TTN: variants seen among roughly 807,000 people sequenced by gnomAD.
TTN encodes the protein connectin.
A neutral mutation model predicts 3,223.0 loss-of-function variants in TTN; 1,525 were observed. That is an observed-to-expected ratio of 0.47 (90% CI 0.45 to 0.49). The LOEUF (loss-of-function observed/expected upper bound fraction) is 0.49, where lower values mean the gene tolerates loss of function less well. Among genes scored for constraint, TTN ranks in the 20% least tolerant of loss-of-function variants. TTN has a pLI of 0.00. For synonymous variants in TTN, 14,094 were observed against 15,161.0 expected, an observed-to-expected ratio of 0.93 and a Z score of 5.17; for missense variants, 40,786 against 43,424.0, an observed-to-expected ratio of 0.94 and a Z score of 5.40.
chr2:178,694,840 T>G lies in TTN; in HGVS notation c.31337A>C (p.Gln10446Pro). 3.9e-6 allele frequency: 6 copies of G among 1,558,214 alleles called. No homozygotes were observed. The highest frequency in any genetic ancestry group is 5.2e-6 in the Non-Finnish European group (6 of 1,149,268). ...GTTTTAAATAATACCTTTGGTGACT[T>G]GAACTTTTTCTTCCTCCATTCTTCG... The part of the protein sequence containing the change: ...TSRRMEEEKV[Q>P]VTKVPEVSKK... The change falls in exon 116 of 363, where the codon CAA (glutamine) becomes CCA (proline). Residue 10446 changes from glutamine (Q) to proline (P), a missense_variant. By Grantham distance (76) the Gln-to-Pro change is moderately conservative. Coordinates refer to ENST00000589042, the MANE Select transcript of TTN (RefSeq NM_001267550.2).
Position 178,733,433 on chromosome 2 carries a change from G to A in TTN, c.15860C>T (p.Thr5287Met), listed in dbSNP as rs148551876. 1.6e-4 allele frequency: 262 copies of A among 1,613,766 alleles called. No individual in the cohort carries two copies. In the African/African-American group the frequency reaches 2.6e-3, roughly 16 times the overall value. Residue 5287 changes from threonine to methionine, a missense_variant, in exon 54 of 363, where the codon ACG (threonine) becomes ATG (methionine). By Grantham distance (81) the Thr-to-Met change is moderately conservative. Coordinates refer to ENST00000589042, the MANE Select transcript of TTN (RefSeq NM_001267550.2). ...GTACCATTTGGGCTTCAGTTCTGGCGTGCCTGCCACTGTGTACTCCAGTGT... is the reference window on the plus strand; with the variant it reads ...GTACCATTTGGGCTTCAGTTCTGGCATGCCTGCCACTGTGTACTCCAGTGT... ...PATLEYTVAG[T>M]PELKPKWYKD...
rs1176453673 is a variant in TTN, at chr2:178,588,820, G to A, written c.62905C>T (p.Pro20969Ser). ...TTGCTTACTTTAGTGACTTCTGGGG[G>A]ATCAGGGCGACCAGGTTTATCATAC... ...TKYDKPGRPD[P>S]PEVTKVSKEE... Residue 20969 changes from proline (P) to serine (S), a missense_variant, in exon 304 of 363, where the codon CCC becomes TCC. Physicochemically the swap from Pro to Ser is moderately conservative, Grantham distance 74. Transcript: ENST00000589042. The A allele has an allele frequency of 1.2e-6, 2 of 1,613,360 alleles. No individual in the cohort carries two copies. The highest frequency in any genetic ancestry group is 1.7e-5 in the Admixed American group (1 of 59,962).
chr2:178,582,449 A>G lies in TTN; in HGVS notation c.66007T>C (p.Trp22003Arg), dbSNP rs1299666551. The change falls in exon 314 of 363, where the codon TGG (tryptophan) becomes CGG (arginine). Residue 22003 changes from tryptophan to arginine, a missense_variant. Physicochemically the swap from Trp to Arg is moderately radical, Grantham distance 101. Transcript: ENST00000589042. Reference sequence around the variant, plus strand: ...GGCACAGTTGCAGAGACTTGAGCCCAGTTGGGCCTGCTTGTTTCACGTTTG... The same window carrying G: ...GGCACAGTTGCAGAGACTTGAGCCCGGTTGGGCCTGCTTGTTTCACGTTTG... ...VDKRETSRPN[W>R]AQVSATVPIT... The G allele has an allele frequency of 2.5e-6, 4 of 1,612,840 alleles. No individual in the cohort carries two copies. Among genetic ancestry groups the G allele is most frequent in the Non-Finnish European group, 3.4e-6 (4 of 1,179,386 alleles).
chr2:178,621,943 T>C lies in TTN; in HGVS notation c.44979A>G (p.Gly14993=). 6.2e-7 allele frequency: 1 copy of C among 1,611,870 alleles called. No individual in the cohort carries two copies. The highest frequency in any genetic ancestry group is 8.5e-7 in the Non-Finnish European group (1 of 1,178,852). ...TGTTGATGACAAGAATGCGCACTGC[T>C]CCCTTGGATATGATGTCATATTTTT... The part of the protein sequence containing the change: ...KGKKYDIISK[G]AVRILVINKC... Residue 14993 remains glycine, a synonymous_variant, in exon 244 of 363, where the codon GGA becomes GGG. Transcript: ENST00000589042.
rs954696433 is a variant in TTN at position 178,684,210 on chromosome 2, T to TAAC, written c.32722+117_32722+119dup. The TAAC allele has an allele frequency of 2.3e-5, 31 of 1,355,478 alleles. No individual in the cohort carries two copies. In the African/African-American group the frequency reaches 2.4e-4, roughly 10 times the overall value. The allele number at this position is 1,355,478 out of a possible 1,614,324, so 84.0% of individuals were successfully genotyped here. A position where few individuals can be genotyped will look rare whatever the true frequency, so the allele number is the denominator to read the frequency against. On this transcript the variant is annotated intron_variant, in intron 132 of 362. Transcript: ENST00000589042. ...TATTTCAAACATAAAACAACAACTG[T>TAAC]AACAACAACAACAACATCAACAACA...
At position 178,556,431 on chromosome 2, in the gene TTN, A is replaced by AAAAC. The variant is rs372018605; in HGVS notation, c.88306+413_88306+416dup. The AAAAC allele has an allele frequency of 4.0e-3, 863 of 215,354 alleles. 8 individuals are homozygous for AAAAC. Among genetic ancestry groups the AAAAC allele is most frequent in the South Asian group, 0.013 (167 of 13,360 alleles). 13.3% of individuals were successfully genotyped at this position (215,354 alleles called of 1,614,324 possible). ...GGGCGACAGAGTGAGACTCTGTCTCAAAACAAACAAACAAACAAACAAACA... is the reference window on the plus strand; with the variant it reads ...GGGCGACAGAGTGAGACTCTGTCTCAAAACAAACAAACAAACAAACAAACAAACA... On this transcript the variant is annotated intron_variant, in intron 330 of 362. Coordinates refer to ENST00000589042, the MANE Select transcript of TTN (RefSeq NM_001267550.2).
Position 178,532,303 on chromosome 2 carries a change from T to C in TTN, c.104312A>G (p.Glu34771Gly). ...GGTCGTAACTGGGCGAAGCAACTCT[T>C]CATCCTCCCTCTCAGCCATGATTCT... ...RQRIMAERED[E>G]ELLRPVTTTQ... The change falls in exon 358 of 363, where the codon GAA becomes GGA. Residue 34771 changes from glutamate to glycine, a missense_variant. By Grantham distance (98) the Glu-to-Gly change is moderately conservative. Coordinates refer to ENST00000589042, the MANE Select transcript of TTN (RefSeq NM_001267550.2). 6.2e-7 allele frequency: 1 copy of C among 1,614,012 alleles called. No individual in the cohort carries two copies. The highest frequency in any genetic ancestry group is 1.1e-5 in the South Asian group (1 of 91,084).
intron 210 of TTN, 97 bp from the exon 211 acceptor site, chr2:178,649,991 G>A: frequency 1.4e-6 from 2 of 1,433,322 alleles, no homozygotes; most frequent in Non-Finnish European, 1.9e-6. Flanking sequence ...CTTGGTATAT[G>A]TGGGACCAAA....
chr2:178,799,069 AC>A (rs2093914215), intron 6 of TTN: 1 of 190,844 alleles, frequency 5.2e-6, no homozygotes, highest in East Asian at 1.2e-4. Flanking sequence ...GTCACCTGCT[AC>A]ATTTTTGAGT....
chr2:178,710,971 T>G, intron 97 of TTN, 49 bp from the exon 98 acceptor site: 1 of 1,565,300 alleles, frequency 6.4e-7, no homozygotes, highest in South Asian at 1.2e-5. Flanking sequence ...ATCTGGACCA[T>G]GTCAGTTTAC....
At position 178,578,723 on chromosome 2, in the gene TTN, A is replaced by G. The variant is rs746789787; in HGVS notation, c.68225-8T>C. The G allele has an allele frequency of 3.7e-6, 6 of 1,607,124 alleles. No individual in the cohort carries two copies. The East Asian group carries it at 1.3e-4, about 36-fold the overall frequency. On this transcript the variant is annotated splice_region_variant and splice_polypyrimidine_tract_variant and intron_variant, in intron 320 of 362. Transcript: ENST00000589042. Reference sequence around the variant, plus strand: ...GGGGAGCATCAGGCACATCTAGAAAAAAGTAGATAATGCAAGATTTATAAT... The same window carrying G: ...GGGGAGCATCAGGCACATCTAGAAAGAAGTAGATAATGCAAGATTTATAAT...
At chr2:178,772,121 CT>C (rs1169499767) in intron 33 of TTN, among the ~76,000 whole-genome samples, 2 of 152,128 alleles carry the variant, frequency 1.3e-5, no homozygotes, top group African/African-American at 4.8e-5. Flanking sequence ...ATGGTAGGTA[CT>C]TTAAAAACAC....
Position 178,565,205 on chromosome 2 carries a change from G to A in TTN, c.80927C>T (p.Pro26976Leu), listed in dbSNP as rs759657244. 4 of 1,613,434 alleles carry A rather than the reference G, an allele frequency of 2.5e-6. No individual in the cohort carries two copies. The Admixed American group carries it at 6.7e-5, about 27-fold the overall frequency. ...TTCATCAAACCGAACTGGGCCAACT[G>A]GAGGTCCAGGCTTTTCTAAAACGAT... ...SVIVLEKPGP[P>L]VGPVRFDEVS... is the part of the protein sequence containing the mutation. Residue 26976 changes from proline to leucine, a missense_variant, in exon 326 of 363, where the codon CCA becomes CTA. Physicochemically the swap from Pro to Leu is moderately conservative, Grantham distance 98. Coordinates refer to ENST00000589042, the MANE Select transcript of TTN (RefSeq NM_001267550.2).
intron 102 of TTN, among the ~76,000 whole-genome samples, chr2:178,705,704 T>C (rs989997888): frequency 6.6e-6 from 1 of 152,156 alleles, no homozygotes; most frequent in African/African-American, 2.4e-5. Flanking sequence ...AAAACTTTAA[T>C]AATAGAATAG....
Position 178,537,840 on chromosome 2 carries a change from G to A in TTN, c.99367C>T (p.Gln33123Ter). ...TCAGGAAGAGGCCTTCCAACAATCT[G>A]GCATGAGAGTTGAGCAGCTTCACCC... The part of the protein sequence containing the change: ...KLGEAAQLSC[Q>*]IVGRPLPDIK... The change falls in exon 355 of 363, where the codon CAG becomes TAG. Residue 33123 changes from glutamine (Q) to a stop codon, truncating the protein, a stop_gained. Transcript: ENST00000589042. LOFTEE classifies it high-confidence loss of function. 1 of 1,613,600 alleles carries A rather than the reference G, an allele frequency of 6.2e-7. No homozygotes were observed. The highest frequency in any genetic ancestry group is 8.5e-7 in the Non-Finnish European group (1 of 1,179,692).
At chr2:178,759,685 A>G (rs1313405377) in intron 43 of TTN, among the ~76,000 whole-genome samples, 1 of 152,238 alleles carries the variant, frequency 6.6e-6, no homozygotes, top group East Asian at 1.9e-4. Flanking sequence ...GGCTGTAGAA[A>G]AAAAATCTCT....
rs374501251 is a variant in TTN at position 178,564,739 on chromosome 2, T to C, written c.81393A>G (p.Lys27131=). The C allele has an allele frequency of 3.7e-6, 6 of 1,613,038 alleles. No homozygotes were observed. The highest frequency in any genetic ancestry group is 5.1e-6 in the Non-Finnish European group (6 of 1,179,456). ...KLNKTPIQDT[K]FKTTGLDEGL... is the part of the protein sequence containing the mutation. ...CCTCATCAAGCCCAGTTGTTTTGAA[T>C]TTGGTGTCCTGAATGGGGGTCTTAT... is the stretch of plus-strand genomic sequence containing the variant. Residue 27131 remains lysine (K), a synonymous_variant, in exon 326 of 363, where the codon AAA becomes AAG. Transcript: ENST00000589042.
rs373484878 is a variant in TTN at position 178,544,276 on chromosome 2, C to T, written c.95953G>A (p.Val31985Ile). ...LKMGQKYSFR[V>I]AAVNVKGMSE... ...ATACCCTTCACGTTCACGGCAGCAA[C>T]TCTGAAGGAATATTTCTGGCCCATT... is the stretch of plus-strand genomic sequence containing the variant. The change falls in exon 345 of 363, where the codon GTT becomes ATT. Residue 31985 changes from valine (V) to isoleucine (I), a missense_variant. Transcript: ENST00000589042. 4 of 1,613,668 alleles carry T rather than the reference C, an allele frequency of 2.5e-6. No individual in the cohort carries two copies. The African/African-American group carries it at 5.3e-5, about 22-fold the overall frequency.
intron 16 of TTN, 141 bp downstream of exon 16, chr2:178,783,929 T>C: frequency 1.4e-5 from 19 of 1,369,080 alleles, no homozygotes; most frequent in Non-Finnish European, 1.9e-5. Flanking sequence ...TGACCCATAC[T>C]ATGCTCCATA....
Sources: allele counts gnomAD v4.1 joint callset (sites outside exome capture counted in the v4.1 genomes callset), GRCh38; gene constraint gnomAD v4.1.1; transcripts MANE v1.5; gene names NCBI Gene and HGNC (gene_info 2026-07-23, HGNC 2026-07-21).